COX7B2: variants seen among roughly 807,000 people sequenced by gnomAD.
The protein encoded by COX7B2 is cytochrome c oxidase subunit 7B2, mitochondrial.
For synonymous variants in COX7B2, 37 were observed against 32.1 expected (o/e 1.15, Z -0.51); for missense variants, 109 against 95.9 (o/e 1.14, Z -0.57).
At chr4:46,879,394 T>A (rs1718563306) in intron 1 of COX7B2, among the ~76,000 whole-genome samples, 1 of 152,004 alleles carries the variant, frequency 6.6e-6, no homozygotes, top group Non-Finnish European at 1.5e-5. Flanking sequence ...CACGGCTCGC[T>A]GCCCTGCTGA....
intron 1 of COX7B2, among the ~76,000 whole-genome samples, chr4:46,871,241 G>GA (rs1717971369): frequency 6.6e-6 from 1 of 152,130 alleles, no homozygotes; most frequent in South Asian, 2.1e-4. Context: ...AAGCAACAGG[G>GA]AAATGCTCTC....
At chr4:46,770,429 T>C (rs1004926380) in intron 2 of COX7B2, among the ~76,000 whole-genome samples, 1 of 152,152 alleles carries the variant, frequency 6.6e-6, no homozygotes, top group Admixed American at 6.5e-5. Context: ...AAATAAATCT[T>C]AGATTCAATG....
chr4:46,831,316 C>T (rs976509805), intron 2 of COX7B2, among the ~76,000 whole-genome samples: 3 of 152,056 alleles, frequency 2.0e-5, no homozygotes, highest in Admixed American at 1.3e-4. Context: ...TGCCTGAGTG[C>T]CCCCCCAACC....
intron 2 of COX7B2, among the ~76,000 whole-genome samples, chr4:46,761,727 G>T (rs1484870234): frequency 6.6e-6 from 1 of 151,984 alleles, no homozygotes; most frequent in Non-Finnish European, 1.5e-5. Context: ...TGATGAATTG[G>T]TTTTTATTCT....
intron 1 of COX7B2, among the ~76,000 whole-genome samples, chr4:46,863,750 C>T (rs186219301): frequency 1.8e-4 from 27 of 152,272 alleles, no homozygotes; most frequent in East Asian, 1.7e-3. Context: ...TTGACTGATG[C>T]TGAAATATTT....
At chr4:46,901,408 G>T (rs1184541007) in intron 1 of COX7B2, among the ~76,000 whole-genome samples, 2 of 152,140 alleles carry the variant, frequency 1.3e-5, no homozygotes, top group Non-Finnish European at 2.9e-5. Context: ...ATCAGTAACT[G>T]GCAGTCCTAC....
intron 2 of COX7B2, among the ~76,000 whole-genome samples, chr4:46,761,756 A>T (rs1047259322): frequency 3.9e-5 from 6 of 152,018 alleles, no homozygotes; most frequent in African/African-American, 1.4e-4. Flanking sequence ...CAGACCTTTG[A>T]AAGTACTAGG....
chr4:46,736,396 A>C (rs143667399), intron 2 of COX7B2, among the ~76,000 whole-genome samples: 1,716 of 152,272 alleles, frequency 0.011, 20 homozygotes, highest in Middle Eastern at 0.037. Flanking sequence ...TTGGGAAGAG[A>C]AAGGAAGCAA....
chr4:46,832,216 A>G (rs62305187), intron 2 of COX7B2, among the ~76,000 whole-genome samples: 29 of 152,160 alleles, frequency 1.9e-4, no homozygotes, highest in Non-Finnish European at 3.2e-4. Context: ...TATGAGCTGC[A>G]ACACTCACTG....
At chr4:46,756,234 T>C (rs757501603) in intron 2 of COX7B2, among the ~76,000 whole-genome samples, 8 of 152,028 alleles carry the variant, frequency 5.3e-5, no homozygotes, top group Non-Finnish European at 1.2e-4. Flanking sequence ...TTCAATAATG[T>C]TGCTGGGAGA....
intron 2 of COX7B2, among the ~76,000 whole-genome samples, chr4:46,786,687 T>A (rs965197653): frequency 2.0e-5 from 3 of 152,188 alleles, no homozygotes; most frequent in Non-Finnish European, 4.4e-5. Context: ...GAAAGTAGCC[T>A]GAAGAAGCCT....
chr4:46,863,364 A>C (rs1717449277), intron 1 of COX7B2, among the ~76,000 whole-genome samples: 1 of 152,198 alleles, frequency 6.6e-6, no homozygotes, highest in South Asian at 2.1e-4. Flanking sequence ...ACAAGTCGGA[A>C]AGTACAAGCA....
chr4:46,774,592 G>T (rs558128833), intron 2 of COX7B2, among the ~76,000 whole-genome samples: 5 of 152,158 alleles, frequency 3.3e-5, no homozygotes, highest in African/African-American at 7.2e-5. Context: ...AGTGCCATTT[G>T]TTGGTACTGA....
chr4:46,899,841 A>T (rs1300818665), intron 1 of COX7B2, among the ~76,000 whole-genome samples: 1 of 152,188 alleles, frequency 6.6e-6, no homozygotes, highest in Non-Finnish European at 1.5e-5. Flanking sequence ...AGTACTTGCT[A>T]TGCTCCAGGT....
chr4:46,816,849 C>G (rs1719583543), intron 2 of COX7B2, among the ~76,000 whole-genome samples: 1 of 152,168 alleles, frequency 6.6e-6, no homozygotes, highest in Non-Finnish European at 1.5e-5. Flanking sequence ...TGAGGTATCA[C>G]CGCTTACTGA....
intron 2 of COX7B2, among the ~76,000 whole-genome samples, chr4:46,819,365 G>A (rs886618596): frequency 6.6e-6 from 1 of 152,072 alleles, no homozygotes; most frequent in Admixed American, 6.5e-5. Flanking sequence ...CCACTCTTAG[G>A]AAGCTTTCAG....
chr4:46,863,889 G>A (rs1358864216), intron 1 of COX7B2, among the ~76,000 whole-genome samples: 1 of 151,974 alleles, frequency 6.6e-6, no homozygotes, highest in Non-Finnish European at 1.5e-5. Flanking sequence ...AAGTTTTAAG[G>A]GCTAATGAGT....
intron 2 of COX7B2, among the ~76,000 whole-genome samples, chr4:46,784,457 T>G (rs1717644263): frequency 6.6e-6 from 1 of 152,094 alleles, no homozygotes; most frequent in African/African-American, 2.4e-5. Context: ...AAATTCCGTC[T>G]CTATTAAAAA....
chr4:46,754,417 C>T (rs1192399037), intron 2 of COX7B2, among the ~76,000 whole-genome samples: 1 of 150,094 alleles, frequency 6.7e-6, no homozygotes, highest in Admixed American at 6.7e-5. Context: ...TTTGTAGGGA[C>T]TTGGATGAAG....
Sources: gnomAD v4.1 joint callset for allele counts (sites outside exome capture counted in the v4.1 genomes callset) on GRCh38, gnomAD v4.1.1 for gene constraint, MANE v1.5 for transcripts, NCBI Gene and HGNC (gene_info 2026-07-23, HGNC 2026-07-21) for gene names.